POLA1: variants seen among roughly 807,000 people sequenced by gnomAD.
POLA1 encodes DNA polymerase alpha 1, catalytic subunit.
POLA1 carries 15 observed loss-of-function variants against 124.0 expected under a neutral mutation model. The observed-to-expected ratio is 0.12, with a 90% CI of 0.08 to 0.19. The LOEUF (loss-of-function observed/expected upper bound fraction) is 0.19. Among genes scored for constraint, POLA1 ranks in the 10% least tolerant of loss-of-function variants. POLA1 has a pLI of 1.00. For missense variants in POLA1, 886 were observed against 1,103.4 expected (o/e 0.80, Z 2.79); for synonymous variants, 408 against 389.4 (o/e 1.05, Z -0.56).
intron 26 of POLA1, among the ~76,000 whole-genome samples, chrX:24,768,370 C>T (rs1225485350): frequency 1.8e-5 from 2 of 111,669 alleles, no homozygotes; most frequent in Non-Finnish European, 3.8e-5. Flanking sequence ...GGAATTCTTT[C>T]TGTCGTATGT....
chrX:24,939,445 T>C (rs2047888120), intron 36 of POLA1, among the ~76,000 whole-genome samples: 2 of 112,353 alleles, frequency 1.8e-5, no homozygotes, highest in South Asian at 7.3e-4. Context: ...ATGATGTTTT[T>C]TACTACATAA....
Position 24,812,552 on chromosome X carries a change from A to G in POLA1, c.3091-106A>G, listed in dbSNP as rs55693727. ...AAGCCAAGTAAAATTCCAATGTTGT[A>G]TGACTTCAAATTCTGTTTAGATTAA... On this transcript the variant is annotated intron_variant, in intron 28 of 36. Coordinates refer to ENST00000379068, the MANE Select transcript of POLA1 (RefSeq NM_001330360.2). 9.7e-4 allele frequency: 473 copies of G among 489,127 alleles called. 1 individual carries two copies. The African/African-American group carries it at 1.0e-2, about 10-fold the overall frequency. The allele number at this position is 489,127 out of a possible 1,213,427, so 40.3% of individuals were successfully genotyped here. A position where few individuals can be genotyped will look rare whatever the true frequency, so the allele number is the denominator to read the frequency against.
intron 26 of POLA1, among the ~76,000 whole-genome samples, chrX:24,780,018 C>G (rs960805212): frequency 1.8e-5 from 2 of 112,047 alleles, no homozygotes; most frequent in Non-Finnish European, 3.8e-5. Flanking sequence ...TACCACAATG[C>G]GTATTTGTGG....
intron 32 of POLA1, among the ~76,000 whole-genome samples, chrX:24,835,242 G>T (rs1312507771): frequency 9.1e-6 from 1 of 109,867 alleles, no homozygotes; most frequent in Non-Finnish European, 1.9e-5. Context: ...AGTAGAGACG[G>T]GGTTTCACCG....
At chrX:24,740,508 G>T (rs1199540304) in intron 20 of POLA1, among the ~76,000 whole-genome samples, 1 of 111,972 alleles carries the variant, frequency 8.9e-6, no homozygotes, top group Non-Finnish European at 1.9e-5. Context: ...AATCAAGTCA[G>T]ATGTGATACT....
intron 30 of POLA1, among the ~76,000 whole-genome samples, chrX:24,816,297 T>G (rs1191649710): frequency 8.9e-6 from 1 of 112,406 alleles, no homozygotes; most frequent in Middle Eastern, 4.2e-3. Context: ...TAAATAAAAC[T>G]TTGCTACCAT....
chrX:24,915,902 A>G (rs996086752), intron 35 of POLA1, among the ~76,000 whole-genome samples: 1 of 112,158 alleles, frequency 8.9e-6, no homozygotes, highest in African/African-American at 3.2e-5. Flanking sequence ...CACGGTGTGT[A>G]CTGACTAATG....
intron 34 of POLA1, among the ~76,000 whole-genome samples, chrX:24,846,038 A>C: frequency 8.9e-6 from 1 of 112,220 alleles, no homozygotes; most frequent in African/African-American, 3.2e-5. Flanking sequence ...AAAAAGGGAC[A>C]AAAGTTTGGG....
intron 34 of POLA1, among the ~76,000 whole-genome samples, chrX:24,873,447 A>G (rs2046893638): frequency 8.9e-6 from 1 of 112,236 alleles, no homozygotes. Context: ...TAGTAATAGT[A>G]AGAGACTGAA....
At chrX:24,887,387 T>C (rs1402690518) in intron 34 of POLA1, among the ~76,000 whole-genome samples, 2 of 112,410 alleles carry the variant, frequency 1.8e-5, no homozygotes, top group African/African-American at 6.5e-5. Context: ...CTTGAAAACA[T>C]TGAAGCTAGT....
At chrX:24,773,540 CCTTT>C (rs1034026770) in intron 26 of POLA1, among the ~76,000 whole-genome samples, 1 of 112,083 alleles carries the variant, frequency 8.9e-6, no homozygotes, top group African/African-American at 3.2e-5. Flanking sequence ...AGTTACCTAA[CCTTT>C]CTGTGTCTTA....
chrX:24,911,921 T>C (rs2047453887), intron 35 of POLA1, among the ~76,000 whole-genome samples: 1 of 112,342 alleles, frequency 8.9e-6, no homozygotes, highest in Non-Finnish European at 1.9e-5. Flanking sequence ...AAAGAAATTG[T>C]ATTTATAGTT....
At chrX:24,966,580 ATC>A (rs1333009810) in intron 36 of POLA1, among the ~76,000 whole-genome samples, 9 of 112,537 alleles carry the variant, frequency 8.0e-5, no homozygotes, top group Middle Eastern at 9.1e-3. Flanking sequence ...GGATAACAAT[ATC>A]TGAGTGCATG....
At chrX:24,899,149 C>T (rs1280155310) in intron 35 of POLA1, among the ~76,000 whole-genome samples, 1 of 111,967 alleles carries the variant, frequency 8.9e-6, no homozygotes. Flanking sequence ...AACCTTTTCT[C>T]CCAATTGTTT....
intron 36 of POLA1, among the ~76,000 whole-genome samples, chrX:24,980,750 T>C (rs1007996549): frequency 9.0e-6 from 1 of 111,343 alleles, no homozygotes; most frequent in Non-Finnish European, 1.9e-5. Context: ...GTGTGGAGAT[T>C]AGCATGTGTT....
At chrX:24,896,726 T>C (rs1323308239) in intron 35 of POLA1, among the ~76,000 whole-genome samples, 4 of 112,242 alleles carry the variant, frequency 3.6e-5, no homozygotes, top group African/African-American at 1.3e-4. Flanking sequence ...CTGTGATTGG[T>C]TGGGTACAGA....
intron 36 of POLA1, among the ~76,000 whole-genome samples, chrX:24,936,811 G>C (rs886495583): frequency 6.2e-5 from 7 of 112,054 alleles, no homozygotes; most frequent in African/African-American, 2.3e-4. Flanking sequence ...GATTACAGGC[G>C]TGAGCCACCG....
chrX:24,782,272 G>T (rs757473771), intron 26 of POLA1, among the ~76,000 whole-genome samples: 1 of 112,045 alleles, frequency 8.9e-6, no homozygotes, highest in African/African-American at 3.2e-5. Context: ...AAGGGACTTG[G>T]ATAGATAATC....
chrX:24,934,087 C>T (rs1316790242), intron 36 of POLA1, among the ~76,000 whole-genome samples: 4 of 111,529 alleles, frequency 3.6e-5, no homozygotes, highest in Admixed American at 9.5e-5. Context: ...CCAGGATGGC[C>T]GCATGAAATG....
Sources: allele counts gnomAD v4.1 joint callset (sites outside exome capture counted in the v4.1 genomes callset), GRCh38; gene constraint gnomAD v4.1.1; transcripts MANE v1.5; gene names NCBI Gene and HGNC (gene_info 2026-07-23, HGNC 2026-07-21).